The following EFCAB7 variants were observed in gnomAD, a reference collection of about 807,000 sequenced individuals.
EFCAB7 encodes EF-hand calcium binding domain 7.
Under a neutral mutation model 77.1 loss-of-function variants are expected in EFCAB7, and 66 were observed. The ratio of observed to expected loss-of-function variants is 0.86; its 90% CI spans 0.70 to 1.05. The LOEUF is 1.05. Ranked by LOEUF, EFCAB7 falls within the 50% of genes least tolerant of loss-of-function variation. The pLI is 0.00. For synonymous variants in EFCAB7, 225 were observed against 243.3 expected, an observed-to-expected ratio of 0.92 and a Z score of 0.70; for missense variants, 638 against 730.5, an observed-to-expected ratio of 0.87 and a Z score of 1.46.
At position 63,568,476 on chromosome 1, in the gene EFCAB7, C is replaced by T; in HGVS notation, c.1664C>T (p.Thr555Ile). Residue 555 changes from threonine (T) to isoleucine (I), a missense_variant, in exon 12 of 14, where the codon ACT becomes ATT. Transcript: ENST00000371088. Reference sequence around the variant, plus strand: ...GGCTATGAAAATATAATCGTGCATACTTACAGTTGTGACACCTGGATAACG... The same window carrying T: ...GGCTATGAAAATATAATCGTGCATATTTACAGTTGTGACACCTGGATAACG... ...MDGYENIIVH[T>I]YSCDTWITSV... is the part of the protein sequence containing the mutation. 6.3e-7 allele frequency: 1 copy of T among 1,596,120 alleles called. No individual in the cohort carries two copies. Among genetic ancestry groups the T allele is most frequent in the Non-Finnish European group, 8.5e-7 (1 of 1,174,218 alleles).
chr1:63,546,590 A>T (rs147784684), intron 7 of EFCAB7, among the ~76,000 whole-genome samples: 7,495 of 152,018 alleles, frequency 0.049, 646 homozygotes, highest in African/African-American at 0.17. Context: ...CTGGTCTCAA[A>T]CTCCTGACCT....
At chr1:63,579,562 C>A in the EFCAB7 span, among the ~76,000 whole-genome samples, 3 of 152,246 alleles carry the variant, frequency 2.0e-5, no homozygotes, top group South Asian at 6.2e-4. Flanking sequence ...AGTAGATACC[C>A]ACAGGTAGTA....
chr1:63,558,343 A>G (rs1452773267), intron 10 of EFCAB7, among the ~76,000 whole-genome samples: 2 of 152,200 alleles, frequency 1.3e-5, no homozygotes, highest in African/African-American at 4.8e-5. Context: ...GACGGTTAAC[A>G]TTTTTTGATA....
At chr1:63,555,052 C>T (rs1647014921) in intron 8 of EFCAB7, 1 of 172,734 alleles carries the variant, frequency 5.8e-6, no homozygotes, top group South Asian at 1.9e-4. Flanking sequence ...GTATTTGCAT[C>T]ACAGATATTT....
At chr1:63,543,804 C>T (rs1452748353) in intron 6 of EFCAB7, among the ~76,000 whole-genome samples, 1 of 152,016 alleles carries the variant, frequency 6.6e-6, no homozygotes, top group East Asian at 1.9e-4. Flanking sequence ...TTTAAATATG[C>T]TTACTTACAT....
At chr1:63,528,945 A>G (rs1646645468) in intron 2 of EFCAB7, among the ~76,000 whole-genome samples, 1 of 150,888 alleles carries the variant, frequency 6.6e-6, no homozygotes, top group East Asian at 1.9e-4. Context: ...CCTTTTTAAA[A>G]TAAAAATATT....
the EFCAB7 span, among the ~76,000 whole-genome samples, chr1:63,578,339 C>T: frequency 6.6e-6 from 1 of 151,850 alleles, no homozygotes. Flanking sequence ...TTAATTATTG[C>T]TTATATAGAG....
At chr1:63,542,758 T>C (rs1646844621) in intron 6 of EFCAB7, among the ~76,000 whole-genome samples, 1 of 152,214 alleles carries the variant, frequency 6.6e-6, no homozygotes, top group Non-Finnish European at 1.5e-5. Context: ...ATATCTTCTT[T>C]AGAGAGGTGA....
At chr1:63,541,721 C>T (rs1470718258) in intron 6 of EFCAB7, among the ~76,000 whole-genome samples, 3 of 151,962 alleles carry the variant, frequency 2.0e-5, no homozygotes, top group Non-Finnish European at 2.9e-5. Flanking sequence ...CACCACAACA[C>T]CCGGCTAATT....
intron 7 of EFCAB7, chr1:63,549,198 T>TA: frequency 2.9e-6 from 1 of 339,372 alleles, no homozygotes; most frequent in Non-Finnish European, 5.9e-6. Flanking sequence ...AATACTCACA[T>TA]AATGCTTTGG....
chr1:63,524,533 G>C (rs1033092580), intron 1 of EFCAB7, among the ~76,000 whole-genome samples: 2 of 152,212 alleles, frequency 1.3e-5, no homozygotes, highest in African/African-American at 4.8e-5. Context: ...GGAATGCAAT[G>C]AGTCCTGAAG....
At chr1:63,552,904 A>C (rs1047615415) in intron 8 of EFCAB7, among the ~76,000 whole-genome samples, 16 of 152,336 alleles carry the variant, frequency 1.1e-4, no homozygotes, top group Admixed American at 9.1e-4. Context: ...ACTGACTACA[A>C]AGTTAAGTTC....
chr1:63,530,382 T>C (rs1484226796), intron 2 of EFCAB7, among the ~76,000 whole-genome samples: 1 of 152,240 alleles, frequency 6.6e-6, no homozygotes, highest in Non-Finnish European at 1.5e-5. Context: ...AATTGTATCT[T>C]TTAAAATTAT....
rs146675070 is a variant in EFCAB7, at chr1:63,537,456, T to C, written c.804+3240T>C. 3.1e-3 allele frequency among the ~76,000 whole-genome samples: 476 copies of C among 152,340 alleles called. 5 individuals are homozygous for C. In the East Asian group the frequency reaches 0.036, roughly 12 times the overall value. On this transcript the variant is annotated intron_variant, in intron 6 of 13. Transcript: ENST00000371088. ...CAAAACATATATAGCATCTACATTGTATACCATTTATATGTTATGTGTATG... is the reference window on the plus strand; with the variant it reads ...CAAAACATATATAGCATCTACATTGCATACCATTTATATGTTATGTGTATG...
chr1:63,538,541 C>T (rs1646790536), intron 6 of EFCAB7, among the ~76,000 whole-genome samples: 1 of 152,034 alleles, frequency 6.6e-6, no homozygotes, highest in Non-Finnish European at 1.5e-5. Context: ...GCAACCTCCG[C>T]CTCCCGAGTT....
downstream of EFCAB7, chr1:63,572,705 T>C: frequency 1.1e-6 from 1 of 950,746 alleles, no homozygotes; most frequent in Non-Finnish European, 1.3e-6. Flanking sequence ...TGTGTGGTGT[T>C]CTTATTTAGT....
At chr1:63,530,081 T>C (rs904744230) in intron 2 of EFCAB7, among the ~76,000 whole-genome samples, 4 of 152,292 alleles carry the variant, frequency 2.6e-5, no homozygotes, top group East Asian at 3.9e-4. Context: ...AAAGTTTGTA[T>C]TGATGAACAA....
chr1:63,560,602 C>T (rs1298393404), intron 10 of EFCAB7, among the ~76,000 whole-genome samples: 4 of 150,780 alleles, frequency 2.7e-5, no homozygotes, highest in Admixed American at 6.6e-5. Context: ...CTGCAACCTC[C>T]GCCTCCCAGG....
At chr1:63,576,091 A>G (rs894220050), downstream of EFCAB7, among the ~76,000 whole-genome samples, 3 of 152,166 alleles carry the variant, frequency 2.0e-5, no homozygotes, top group African/African-American at 7.2e-5. Flanking sequence ...TTTGAGGAAA[A>G]ATAAAGCAAA....
Sources: allele counts gnomAD v4.1 joint callset (sites outside exome capture counted in the v4.1 genomes callset), GRCh38; gene constraint gnomAD v4.1.1; transcripts MANE v1.5; gene names NCBI Gene and HGNC (gene_info 2026-07-23, HGNC 2026-07-21).